CROT: variants seen among roughly 807,000 people sequenced by gnomAD.
CROT encodes carnitine O-octanoyltransferase, also known as peroxisomal carnitine O-octanoyltransferase.
CROT carries 84 observed loss-of-function variants against 89.2 expected under a neutral mutation model. The observed-to-expected ratio is 0.94, with a 90% CI of 0.79 to 1.13. The LOEUF (loss-of-function observed/expected upper bound fraction) is 1.13. Among genes scored for constraint, CROT ranks in the 50% most tolerant of loss-of-function variants. The probability of loss-of-function intolerance (pLI) is 0.00; values close to 1 mark genes in which losing one functional copy is unlikely to be tolerated. For missense variants in CROT, 711 were observed against 727.8 expected, an observed-to-expected ratio of 0.98 and a Z score of 0.27; for synonymous variants, 212 against 239.5, an observed-to-expected ratio of 0.89 and a Z score of 1.06.
intron 17 of CROT, chr7:87,398,279 T>C: frequency 1.6e-6 from 1 of 644,992 alleles, no homozygotes; most frequent in Non-Finnish European, 2.9e-6. Context: ...TTCAGAGCAC[T>C]CTAGGGCTCT....
intron 3 of CROT, among the ~76,000 whole-genome samples, chr7:87,350,058 A>G (rs1168322200): frequency 6.6e-6 from 1 of 152,198 alleles, no homozygotes; most frequent in Non-Finnish European, 1.5e-5. Context: ...TACAATAAAC[A>G]CAACAGAAAT....
rs1807038869 is a variant in CROT, at chr7:87,382,355, C to T, written c.1171-58C>T. 6 of 1,570,386 alleles carry T rather than the reference C, an allele frequency of 3.8e-6. No homozygotes were observed. In the South Asian group the frequency reaches 7.1e-5, roughly 19 times the overall value. On this transcript the variant is annotated intron_variant, in intron 12 of 17. Transcript: ENST00000331536. Reference sequence around the variant, plus strand: ...TTAATGCAGGTGATAATTTGCTTCTCTTTGGTGTATTCTCCTTAGGTGATT... The same window carrying T: ...TTAATGCAGGTGATAATTTGCTTCTTTTTGGTGTATTCTCCTTAGGTGATT...
At chr7:87,348,325 C>A (rs184964726) in intron 2 of CROT, among the ~76,000 whole-genome samples, 1 of 152,128 alleles carries the variant, frequency 6.6e-6, no homozygotes, top group Non-Finnish European at 1.5e-5. Context: ...AATTAATACA[C>A]GTGTCAATAT....
intron 17 of CROT, among the ~76,000 whole-genome samples, chr7:87,395,854 A>G (rs1167653304): frequency 1.3e-5 from 2 of 152,154 alleles, no homozygotes; most frequent in Non-Finnish European, 2.9e-5. Flanking sequence ...TTTAAGGCTC[A>G]TTACATGCAG....
rs1805961715 is a variant in CROT at position 87,353,831 on chromosome 7, T to TC, written c.115+4651dup. ...CCCAAGCCATTCTTGAGGGCTCTGC[T>TC]CCCATGATCCAGCCACCTCCCACCA... On this transcript the variant is annotated intron_variant, in intron 3 of 17. Transcript: ENST00000331536. 2.0e-5 allele frequency among the ~76,000 whole-genome samples: 3 copies of TC among 152,186 alleles called. No homozygotes were observed. The South Asian group carries it at 6.2e-4, about 31-fold the overall frequency.
rs1386380805 is a variant in CROT at position 87,357,798 on chromosome 7, T to A, written c.116-1408T>A. Among the ~76,000 whole-genome samples the A allele has an allele frequency of 2.0e-5, 3 of 152,202 alleles. No individual in the cohort carries two copies. The East Asian group carries it at 5.8e-4, about 29-fold the overall frequency. On this transcript the variant is annotated intron_variant, in intron 3 of 17. Coordinates refer to ENST00000331536, the MANE Select transcript of CROT (RefSeq NM_021151.4). ...TGACACAATTTATTATTCTATTGATTTAAATAAAACTATCCTTGACATTTT... is the reference window on the plus strand; with the variant it reads ...TGACACAATTTATTATTCTATTGATATAAATAAAACTATCCTTGACATTTT...
chr7:87,349,581 C>T (rs1015568584), intron 3 of CROT, among the ~76,000 whole-genome samples: 6 of 152,164 alleles, frequency 3.9e-5, no homozygotes, highest in African/African-American at 1.2e-4. Flanking sequence ...ATCTCAAAAA[C>T]ATATATTGTT....
chr7:87,377,451 G>A lies in CROT; in HGVS notation c.978+1G>A. ...TGGAGTATTTGGCTGTAATTGTGAT[G>A]TAAGTAAACTACTGAAATTTTTCTC... On this transcript the variant is annotated splice_donor_variant, in intron 10 of 17. Coordinates refer to ENST00000331536, the MANE Select transcript of CROT (RefSeq NM_021151.4). LOFTEE classifies it high-confidence loss of function. 1 of 1,544,046 alleles carries A rather than the reference G, an allele frequency of 6.5e-7. No individual in the cohort carries two copies. The highest frequency in any genetic ancestry group is 8.9e-7 in the Non-Finnish European group (1 of 1,118,266).
At chr7:87,389,521 G>C in intron 13 of CROT, among the ~76,000 whole-genome samples, 1 of 151,130 alleles carries the variant, frequency 6.6e-6, no homozygotes, top group Middle Eastern at 3.2e-3. Context: ...ACTAACACAG[G>C]AACAGAAAAC....
intron 4 of CROT, among the ~76,000 whole-genome samples, chr7:87,360,657 A>G (rs1806237305): frequency 6.6e-6 from 1 of 152,012 alleles, no homozygotes; most frequent in Non-Finnish European, 1.5e-5. Flanking sequence ...TATATTTCTG[A>G]TTTAGTATTG....
At chr7:87,383,688 G>A (rs758124416) in intron 13 of CROT, among the ~76,000 whole-genome samples, 55 of 151,878 alleles carry the variant, frequency 3.6e-4, no homozygotes, top group Non-Finnish European at 5.9e-4. Context: ...GTAGAGATGG[G>A]GTTTCGTCGT....
At chr7:87,393,915 C>A (rs1229093482) in intron 17 of CROT, among the ~76,000 whole-genome samples, 1 of 151,986 alleles carries the variant, frequency 6.6e-6, no homozygotes, top group Non-Finnish European at 1.5e-5. Flanking sequence ...TGAAAAAACT[C>A]AAAACTGTGT....
intron 9 of CROT, among the ~76,000 whole-genome samples, chr7:87,376,939 T>C (rs1033100509): frequency 6.6e-6 from 1 of 152,142 alleles, no homozygotes; most frequent in Non-Finnish European, 1.5e-5. Context: ...GGCCAAAGTA[T>C]ACAGTTTGAA....
chr7:87,367,575 A>G (rs1191771483), intron 6 of CROT, among the ~76,000 whole-genome samples: 1 of 152,186 alleles, frequency 6.6e-6, no homozygotes, highest in Non-Finnish European at 1.5e-5. Context: ...CCCCCTTGCA[A>G]TATGTTACTG....
chr7:87,381,930 G>C lies in CROT; in HGVS notation c.999G>C (p.Met333Ile). ...TTTAGCATGCTCCTTTTGATGCAAT[G>C]ATTATGGTGAACATCAGTTATTATG... ...CNCDHAPFDAMIMVNISYYVD... is the reference protein window; with the variant it reads ...CNCDHAPFDAIIMVNISYYVD... Residue 333 changes from methionine (M) to isoleucine (I), a missense_variant, in exon 11 of 18, where the codon ATG becomes ATC. Physicochemically the swap from Met to Ile is conservative, Grantham distance 10. Transcript: ENST00000331536. 6.2e-7 allele frequency: 1 copy of C among 1,610,000 alleles called. No homozygotes were observed. The highest frequency in any genetic ancestry group is 8.5e-7 in the Non-Finnish European group (1 of 1,177,984).
intron 14 of CROT, 109 bp downstream of exon 14, chr7:87,391,821 A>G (rs1807369831): frequency 9.3e-7 from 1 of 1,076,606 alleles, no homozygotes; most frequent in Non-Finnish European, 1.3e-6. Context: ...GATCATTAAA[A>G]TACTTTGAGA....
chr7:87,360,103 G>A, intron 4 of CROT: 1 of 950,460 alleles, frequency 1.1e-6, no homozygotes, highest in Non-Finnish European at 1.3e-6. Flanking sequence ...TTAAAGAGGG[G>A]TAAAGGTAAA....
At position 87,398,950 on chromosome 7, in the gene CROT, C is replaced by G. The variant is rs140402972; in HGVS notation, c.*306C>G. 67 of 261,292 alleles carry G rather than the reference C, an allele frequency of 2.6e-4. No individual in the cohort carries two copies. Among genetic ancestry groups the G allele is most frequent in the African/African-American group, 1.5e-3 (64 of 44,026 alleles). 16.2% of individuals were successfully genotyped at this position (261,292 alleles called of 1,614,324 possible). ...ACAAACTTTAACAATGCAAGTCTTA[C>G]TCTAATTTTTAAGTATTTTTGTTGG... On this transcript the variant is annotated 3_prime_UTR_variant, in exon 18 of 18. Transcript: ENST00000331536.
chr7:87,350,949 G>GT (rs952947410), intron 3 of CROT, among the ~76,000 whole-genome samples: 14 of 151,900 alleles, frequency 9.2e-5, no homozygotes, highest in African/African-American at 1.2e-4. Context: ...TGAAAAAGGT[G>GT]TTTTTTTTGT....
Sources: gnomAD v4.1 joint callset for allele counts (sites outside exome capture counted in the v4.1 genomes callset) on GRCh38, gnomAD v4.1.1 for gene constraint, MANE v1.5 for transcripts, NCBI Gene and HGNC (gene_info 2026-07-23, HGNC 2026-07-21) for gene names.